The following DNAH12 variants were observed in gnomAD, a reference collection of about 807,000 sequenced individuals.
The protein encoded by DNAH12 is dynein axonemal heavy chain 12, also known as axonemal beta dynein heavy chain 12.
In DNAH12, 285 loss-of-function variants were observed where a neutral mutation model predicts 371.5. The ratio of observed to expected loss-of-function variants is 0.77; its 90% confidence interval spans 0.70 to 0.85. The LOEUF (loss-of-function observed/expected upper bound fraction) is 0.85, where lower values mean the gene tolerates loss of function less well. DNAH12 is among the 40% of genes least tolerant of loss of function. The pLI is 0.00. For missense variants in DNAH12, 3,611 were observed against 3,689.4 expected (o/e 0.98, Z 0.55); for synonymous variants, 1,200 against 1,213.0 (o/e 0.99, Z 0.22).
chr3:57,538,443 C>A (rs901367744), intron 2 of DNAH12, among the ~76,000 whole-genome samples: 1 of 152,170 alleles, frequency 6.6e-6, no homozygotes, highest in African/African-American at 2.4e-5. Flanking sequence ...CCTAAAAATT[C>A]ATTCATCCCT....
chr3:57,491,045 G>A (rs1322028921), intron 11 of DNAH12, among the ~76,000 whole-genome samples: 2 of 125,830 alleles, frequency 1.6e-5, no homozygotes, highest in East Asian at 2.4e-4. Flanking sequence ...TCACACCACT[G>A]CACTCCAGCC....
chr3:57,319,137 T>C (rs6445869), intron 65 of DNAH12, among the ~76,000 whole-genome samples: 48,950 of 152,000 alleles, frequency 0.32, 8,736 homozygotes, highest in African/African-American at 0.46. Context: ...CTATTATAAA[T>C]GGGATTGTTT....
chr3:57,295,140 A>C (rs575663472), intron 73 of DNAH12, among the ~76,000 whole-genome samples: 1 of 152,176 alleles, frequency 6.6e-6, no homozygotes, highest in Non-Finnish European at 1.5e-5. Context: ...AGTTTCTTAT[A>C]GCCAGAAAAT....
chr3:57,425,181 T>A, intron 34 of DNAH12, 40 bp from the exon 35 acceptor site: 1 of 678,914 alleles, frequency 1.5e-6, no homozygotes, highest in Non-Finnish European at 2.7e-6. Flanking sequence ...AATTTTCATC[T>A]TATTTAGAAA....
intron 62 of DNAH12, among the ~76,000 whole-genome samples, chr3:57,327,037 C>T (rs1421223659): frequency 6.6e-5 from 10 of 151,866 alleles, no homozygotes; most frequent in South Asian, 6.2e-4. Flanking sequence ...GCACCCAATA[C>T]AGGAGCACCC....
At chr3:57,519,678 G>A (rs1262438533) in intron 4 of DNAH12, 4 of 1,599,852 alleles carry the variant, frequency 2.5e-6, no homozygotes, top group Non-Finnish European at 3.4e-6. Flanking sequence ...CTCATTTGCC[G>A]ATTCTTTGGG....
In DNAH12 at chr3:57,510,808, T is replaced by G. The variant is rs1439754231; in HGVS notation, c.451A>C (p.Ser151Arg). The G allele has an allele frequency of 1.2e-6, 2 of 1,614,024 alleles. No homozygotes were observed. Among genetic ancestry groups the G allele is most frequent in the East Asian group, 4.5e-5 (2 of 44,886 alleles). ...INEVSSDFEN[S>R]MKRYLVQSVL... ...TACTTACCCAAATATCTCTTCATGC[T>G]GTTTTCAAAGTCACTTGACACCTCA... The change falls in exon 5 of 74, where the codon AGC (serine) becomes CGC (arginine). Residue 151 changes from serine (S) to arginine (R), a missense_variant. Ser to Arg is a moderately radical substitution (Grantham distance 110). Around this residue, in one of 3 missense-constraint regions of DNAH12, gnomAD observed 1,314 missense variants for 1,398.7 expected, o/e 0.94. Coordinates refer to ENST00000495027, the MANE Select transcript of DNAH12 (RefSeq NM_001366028.2).
intron 29 of DNAH12, among the ~76,000 whole-genome samples, chr3:57,442,667 A>T (rs6799273): frequency 0.64 from 97,572 of 152,068 alleles, 31,558 homozygotes; most frequent in South Asian, 0.75. Context: ...GATTTATTGC[A>T]GTATTCATAA....
At chr3:57,399,865 G>C (rs1217751452) in intron 43 of DNAH12, among the ~76,000 whole-genome samples, 2 of 152,058 alleles carry the variant, frequency 1.3e-5, no homozygotes, top group African/African-American at 4.8e-5. Flanking sequence ...CTTTTATCTG[G>C]CGTACTTTAT....
intron 66 of DNAH12, among the ~76,000 whole-genome samples, chr3:57,313,647 T>C (rs2061625890): frequency 6.6e-6 from 1 of 152,090 alleles, no homozygotes; most frequent in Admixed American, 6.5e-5. Context: ...AGTGAAACTC[T>C]GTTTCCAAAC....
chr3:57,411,875 C>T (rs1553683155), intron 39 of DNAH12, among the ~76,000 whole-genome samples: 1 of 152,052 alleles, frequency 6.6e-6, no homozygotes, highest in African/African-American at 2.4e-5. Flanking sequence ...TTAGTCAACA[C>T]TATTGAAAGA....
Position 57,343,227 on chromosome 3 carries a change from T to C in DNAH12, c.9675-8287A>G, listed in dbSNP as rs372635824. ...AGATCAGACTGTTACTGTGTCTAGA[T>C]AGAAAGGGAAGACATAAGAGACTCC... is the stretch of plus-strand genomic sequence containing the variant. On this transcript the variant is annotated intron_variant, in intron 60 of 73. Coordinates refer to ENST00000495027, the MANE Select transcript of DNAH12 (RefSeq NM_001366028.2). 4.6e-4 allele frequency among the ~76,000 whole-genome samples: 70 copies of C among 152,268 alleles called. 1 individual carries two copies. The highest frequency in any genetic ancestry group is 1.6e-3 in the African/African-American group (67 of 41,548).
chr3:57,535,232 T>TC (rs2068988165), intron 2 of DNAH12, among the ~76,000 whole-genome samples: 2 of 152,194 alleles, frequency 1.3e-5, no homozygotes, highest in African/African-American at 4.8e-5. Flanking sequence ...TTTAAATGTG[T>TC]CCCCCAAAAG....
At chr3:57,431,214 ACC>A (rs35415391) in intron 32 of DNAH12, among the ~76,000 whole-genome samples, 1 of 144,500 alleles carries the variant, frequency 6.9e-6, no homozygotes, top group African/African-American at 2.6e-5. Flanking sequence ...CCCAGTGACA[ACC>A]CCTGTTTTTT....
chr3:57,421,184 T>G (rs2153360950), intron 36 of DNAH12, among the ~76,000 whole-genome samples: 1 of 152,246 alleles, frequency 6.6e-6, no homozygotes, highest in African/African-American at 2.4e-5. Context: ...TTAAGTGAAA[T>G]TATAACTAAT....
chr3:57,352,885 T>C (rs374038015), intron 59 of DNAH12, among the ~76,000 whole-genome samples: 1 of 152,030 alleles, frequency 6.6e-6, no homozygotes, highest in Non-Finnish European at 1.5e-5. Flanking sequence ...GGTCAGAAGT[T>C]TGAGACCAGC....
At chr3:57,309,557 G>A (rs1397431164) in intron 68 of DNAH12, 109 bp downstream of exon 68, 1 of 1,105,148 alleles carries the variant, frequency 9.0e-7, no homozygotes, top group Non-Finnish European at 1.2e-6. Flanking sequence ...GCTTAGAGAG[G>A]CAAAGTTCTT....
chr3:57,459,190 G>A (rs1425031191), intron 20 of DNAH12, among the ~76,000 whole-genome samples: 2 of 152,116 alleles, frequency 1.3e-5, no homozygotes, highest in East Asian at 1.9e-4. Flanking sequence ...CCATCACTCC[G>A]AGTACACAGA....
At chr3:57,472,773 G>A (rs1320305015) in intron 13 of DNAH12, 102 bp from the exon 14 acceptor site, 1 of 1,236,168 alleles carries the variant, frequency 8.1e-7, no homozygotes, top group Non-Finnish European at 1.1e-6. Flanking sequence ...TCAGATTTCA[G>A]TTTGACTCAG....
Sources: allele counts gnomAD v4.1 joint callset (sites outside exome capture counted in the v4.1 genomes callset), GRCh38; gene constraint gnomAD v4.1.1; regional missense constraint gnomAD v4.1.1; transcripts MANE v1.5; gene names NCBI Gene and HGNC (gene_info 2026-07-23, HGNC 2026-07-21).